Variants in MTF2 observed in about 807,000 individuals in gnomAD.
MTF2 encodes the protein metal-response element-binding transcription factor 2.
A neutral mutation model predicts 79.5 loss-of-function variants in MTF2; 11 were observed. The ratio of observed to expected loss-of-function variants is 0.14; its 90% CI spans 0.09 to 0.23. MTF2 has a LOEUF of 0.23. MTF2 is among the 10% of genes least tolerant of loss of function. The pLI, the probability that MTF2 is intolerant of heterozygous loss-of-function variation, is 1.00. For synonymous variants in MTF2, 208 were observed against 232.8 expected, an observed-to-expected ratio of 0.89 and a Z score of 0.97; for missense variants, 486 against 711.2, an observed-to-expected ratio of 0.68 and a Z score of 3.60.
Position 93,081,957 on chromosome 1 carries a change from G to T in MTF2, c.5+2426G>T, listed in dbSNP as rs577541348. Among the ~76,000 whole-genome samples, 425 of 152,322 alleles carry T rather than the reference G, an allele frequency of 2.8e-3. 4 individuals carry two copies. Among genetic ancestry groups the T allele is most frequent in the Non-Finnish European group, 3.9e-3 (267 of 68,018 alleles). The stretch of plus-strand genomic sequence containing the variant: ...GGAATCCAAGGATGAGGAAATGCCT[G>T]AGAACTGAGGAAGTTCAGATTCTTT... On this transcript the variant is annotated intron_variant, in intron 1 of 14. Coordinates refer to ENST00000370298, the MANE Select transcript of MTF2 (RefSeq NM_007358.4).
intron 1 of MTF2, among the ~76,000 whole-genome samples, chr1:93,088,541 C>A (rs1034929168): frequency 1.2e-4 from 18 of 152,040 alleles, no homozygotes; most frequent in African/African-American, 3.9e-4. Context: ...TTTGAAAATA[C>A]TTGATATATT....
intron 1 of MTF2, among the ~76,000 whole-genome samples, chr1:93,101,366 CTTTTTT>C (rs71586777): frequency 4.6e-4 from 50 of 108,618 alleles, no homozygotes; most frequent in African/African-American, 1.5e-3. Context: ...CTATCTTAAC[CTTTTTT>C]TTTTTTTTTT....
intron 8 of MTF2, chr1:93,119,819 A>G (rs1656398701): frequency 6.4e-6 from 1 of 155,798 alleles, no homozygotes; most frequent in African/African-American, 2.4e-5. Flanking sequence ...GTACTTACAA[A>G]TCTTTGTTGT....
Position 93,088,508 on chromosome 1 carries a change from T to A in MTF2, c.5+8977T>A, listed in dbSNP as rs905010195. Among the ~76,000 whole-genome samples the A allele has an allele frequency of 3.3e-5, 5 of 152,260 alleles. No homozygotes were observed. The South Asian group carries it at 1.0e-3, about 31-fold the overall frequency. ...TATATTTTTGAAATCTATTACTGTT[T>A]CTAAATGTTTGGTATTTACCATTTT... On this transcript the variant is annotated intron_variant, in intron 1 of 14. Coordinates refer to ENST00000370298, the MANE Select transcript of MTF2 (RefSeq NM_007358.4).
chr1:93,082,150 A>G (rs1217085509), intron 1 of MTF2, among the ~76,000 whole-genome samples: 1 of 152,250 alleles, frequency 6.6e-6, no homozygotes, highest in Non-Finnish European at 1.5e-5. Flanking sequence ...AATGGATATT[A>G]GGAACGTTTT....
chr1:93,085,336 C>T (rs569493303), intron 1 of MTF2, among the ~76,000 whole-genome samples: 140 of 151,646 alleles, frequency 9.2e-4, no homozygotes, highest in African/African-American at 2.4e-3. Context: ...CCACCATGCC[C>T]GGCTAATTTT....
At chr1:93,123,878 C>A (rs935826652) in intron 9 of MTF2, among the ~76,000 whole-genome samples, 2 of 150,440 alleles carry the variant, frequency 1.3e-5, no homozygotes, top group Non-Finnish European at 3.0e-5. Flanking sequence ...GCATTGCCTC[C>A]TCCATTATCA....
chr1:93,099,567 C>T (rs1655443993), intron 1 of MTF2, among the ~76,000 whole-genome samples: 1 of 152,106 alleles, frequency 6.6e-6, no homozygotes, highest in South Asian at 2.1e-4. Context: ...ATATTTTCAA[C>T]ATTAAATTCT....
intron 9 of MTF2, among the ~76,000 whole-genome samples, chr1:93,124,525 T>G (rs1656614084): frequency 6.6e-6 from 1 of 152,044 alleles, no homozygotes; most frequent in South Asian, 2.1e-4. Context: ...CTACTTCACT[T>G]CTGAGGGAGG....
At chr1:93,098,350 A>G (rs1655382666) in intron 1 of MTF2, among the ~76,000 whole-genome samples, 1 of 152,156 alleles carries the variant, frequency 6.6e-6, no homozygotes, top group Non-Finnish European at 1.5e-5. Flanking sequence ...TCATTATAGG[A>G]ATTACACTGC....
At chr1:93,131,781 G>T (rs2101094737) in intron 11 of MTF2, among the ~76,000 whole-genome samples, 1 of 152,276 alleles carries the variant, frequency 6.6e-6, no homozygotes, top group East Asian at 1.9e-4. Flanking sequence ...TAGGAGAGTA[G>T]AAGCCAAAAG....
At chr1:93,087,947 A>G (rs1028228421) in intron 1 of MTF2, among the ~76,000 whole-genome samples, 6 of 152,022 alleles carry the variant, frequency 3.9e-5, no homozygotes, top group African/African-American at 1.4e-4. Context: ...AATGCTTTTG[A>G]GAAAGTTAAG....
Position 93,079,502 on chromosome 1 carries a change from C to T in MTF2, c.-25C>T, listed in dbSNP as rs369671452. On this transcript the variant is annotated 5_prime_UTR_variant, in exon 1 of 15. Coordinates refer to ENST00000370298, the MANE Select transcript of MTF2 (RefSeq NM_007358.4). ...ATTGGTTGTTTTTTCCTGTATGAAG[C>T]GGTTGGCACCACTGAAGTGACCGAA... The T allele has an allele frequency of 1.1e-5, 18 of 1,613,718 alleles. No homozygotes were observed. In the East Asian group the frequency reaches 2.0e-4, roughly 18 times the overall value.
At chr1:93,127,357 T>C in intron 10 of MTF2, 58 bp downstream of exon 10, 1 of 1,109,120 alleles carries the variant, frequency 9.0e-7, no homozygotes, top group East Asian at 2.4e-5. Context: ...GTATAAGGAA[T>C]AATGGCATTG....
intron 1 of MTF2, among the ~76,000 whole-genome samples, chr1:93,096,436 G>A (rs140821064): frequency 0.015 from 2,269 of 151,990 alleles, 145 homozygotes; most frequent in Admixed American, 0.12. Flanking sequence ...CTTCCTAGAC[G>A]TCATGAATAA....
chr1:93,134,260 GTTGA>G (rs1488644772), intron 14 of MTF2, 65 bp downstream of exon 14: 1 of 1,215,774 alleles, frequency 8.2e-7, no homozygotes, highest in Non-Finnish European at 1.2e-6. Flanking sequence ...TTTGTAAAGT[GTTGA>G]TTGAATAATT....
intron 1 of MTF2, among the ~76,000 whole-genome samples, chr1:93,101,506 C>T (rs1191084474): frequency 7.3e-6 from 1 of 137,250 alleles, no homozygotes; most frequent in Non-Finnish European, 1.5e-5. Context: ...TGTGCCATCA[C>T]ACTTGGCAAA....
chr1:93,097,606 CT>C (rs200239689), intron 1 of MTF2, among the ~76,000 whole-genome samples: 1 of 151,004 alleles, frequency 6.6e-6, no homozygotes. Context: ...TTTTTCCTTT[CT>C]TTTTTTTTGA....
intron 1 of MTF2, among the ~76,000 whole-genome samples, chr1:93,089,015 TTAAGA>T (rs1377068859): frequency 5.9e-5 from 9 of 152,216 alleles, no homozygotes; most frequent in Non-Finnish European, 8.8e-5. Flanking sequence ...ATCGTACATT[TTAAGA>T]TATTTAAAAA....
Sources: allele counts gnomAD v4.1 joint callset (sites outside exome capture counted in the v4.1 genomes callset), GRCh38; gene constraint gnomAD v4.1.1; transcripts MANE v1.5; gene names NCBI Gene and HGNC (gene_info 2026-07-23, HGNC 2026-07-21).